Variants in PCDH15 observed in about 807,000 individuals in gnomAD.
The protein encoded by PCDH15 is protocadherin-15.
PCDH15 carries 129 observed loss-of-function variants against 178.5 expected under a neutral mutation model. The ratio of observed to expected loss-of-function variants is 0.72; its 90% confidence interval spans 0.63 to 0.84. The LOEUF (loss-of-function observed/expected upper bound fraction) is 0.84. Among genes scored for constraint, PCDH15 ranks in the 40% least tolerant of loss-of-function variants. The pLI, the probability that PCDH15 is intolerant of heterozygous loss-of-function variation, is 0.00. For missense variants in PCDH15, 2,230 were observed against 2,099.9 expected, an observed-to-expected ratio of 1.06 and a Z score of -1.21; for synonymous variants, 800 against 732.0, an observed-to-expected ratio of 1.09 and a Z score of -1.50.
At chr10:53,916,624 A>G (rs1208426016) in intron 25 of PCDH15, among the ~76,000 whole-genome samples, 1 of 152,210 alleles carries the variant, frequency 6.6e-6, no homozygotes, top group Non-Finnish European at 1.5e-5. Context: ...GACTATAATG[A>G]TCAACAAAAC....
intron 2 of PCDH15, among the ~76,000 whole-genome samples, chr10:55,137,737 A>G (rs1838236773): frequency 6.6e-6 from 1 of 152,114 alleles, no homozygotes; most frequent in Non-Finnish European, 1.5e-5. Flanking sequence ...ACAAGCTTTA[A>G]AAGTTCATAG....
At chr10:54,939,443 C>T (rs930394980) in intron 2 of PCDH15, among the ~76,000 whole-genome samples, 2 of 133,654 alleles carry the variant, frequency 1.5e-5, no homozygotes, top group African/African-American at 2.8e-5. Context: ...TGTGGTGAGC[C>T]GAGACCTCGC....
At chr10:54,976,915 C>T (rs1839086916) in intron 2 of PCDH15, among the ~76,000 whole-genome samples, 2 of 152,026 alleles carry the variant, frequency 1.3e-5, no homozygotes, top group South Asian at 4.2e-4. Context: ...TTGGTCTACA[C>T]CTAGGAATGA....
At chr10:54,546,468 T>G (rs1325322482) in intron 2 of PCDH15, among the ~76,000 whole-genome samples, 1 of 152,102 alleles carries the variant, frequency 6.6e-6, no homozygotes, top group East Asian at 1.9e-4. Flanking sequence ...AATTCCTAAA[T>G]TGCTTTTAGG....
chr10:54,392,898 CAAA>C (rs35154394), intron 3 of PCDH15, among the ~76,000 whole-genome samples: 18 of 72,280 alleles, frequency 2.5e-4, no homozygotes, highest in African/African-American at 4.3e-4. Context: ...GACTCAGGCT[CAAA>C]AAAAAAAAAA....
intron 20 of PCDH15, among the ~76,000 whole-genome samples, chr10:53,997,721 T>C (rs2091922723): frequency 6.6e-6 from 1 of 152,176 alleles, no homozygotes; most frequent in Admixed American, 6.5e-5. Context: ...ACCTTCTAAC[T>C]TGAATGTACA....
At chr10:54,247,851 G>C (rs1335029947) in intron 8 of PCDH15, among the ~76,000 whole-genome samples, 1 of 147,474 alleles carries the variant, frequency 6.8e-6, no homozygotes, top group Admixed American at 6.8e-5. Context: ...CTGGGTGACA[G>C]AGCAAGACTC....
intron 14 of PCDH15, among the ~76,000 whole-genome samples, chr10:54,135,806 A>G (rs12257647): frequency 0.015 from 2,351 of 152,276 alleles, 76 homozygotes; most frequent in African/African-American, 0.054. Flanking sequence ...GCTGCCCTCA[A>G]TGATCTAGAG....
chr10:55,271,113 A>C (rs887203583), intron 1 of PCDH15, among the ~76,000 whole-genome samples: 1 of 152,106 alleles, frequency 6.6e-6, no homozygotes, highest in Admixed American at 6.5e-5. Flanking sequence ...AAACATGGGA[A>C]CAGACACTGG....
chr10:55,384,315 AT>A (rs1337646119), intron 2 of PCDH15, among the ~76,000 whole-genome samples: 1 of 152,162 alleles, frequency 6.6e-6, no homozygotes, highest in Non-Finnish European at 1.5e-5. Context: ...ACCATTGTGT[AT>A]TTTGGTAAAT....
intron 33 of PCDH15, 136 bp from the exon 34 acceptor site, chr10:53,818,149 TG>T (rs1189087495): frequency 2.6e-6 from 1 of 390,182 alleles, no homozygotes; most frequent in Non-Finnish European, 4.5e-6. Context: ...ACTATCTCAG[TG>T]GGAAGTATAT....
At chr10:54,934,578 A>T (rs914352338) in intron 2 of PCDH15, among the ~76,000 whole-genome samples, 18 of 151,648 alleles carry the variant, frequency 1.2e-4, no homozygotes, top group African/African-American at 3.9e-4. Context: ...GTCAGGAAAC[A>T]ACAGGTGCTG....
intron 3 of PCDH15, among the ~76,000 whole-genome samples, chr10:54,505,701 C>T (rs774096799): frequency 3.3e-5 from 5 of 151,920 alleles, no homozygotes; most frequent in Admixed American, 6.6e-5. Context: ...ATGTAGATGA[C>T]GGGTCGATGG....
At chr10:54,333,284 A>G (rs1940259515) in intron 6 of PCDH15, among the ~76,000 whole-genome samples, 1 of 152,112 alleles carries the variant, frequency 6.6e-6, no homozygotes, top group Admixed American at 6.6e-5. Context: ...TCTATAAAAT[A>G]TAAGAATAGG....
intron 1 of PCDH15, among the ~76,000 whole-genome samples, chr10:55,269,259 A>T (rs960324291): frequency 6.6e-6 from 1 of 152,080 alleles, no homozygotes; most frequent in African/African-American, 2.4e-5. Flanking sequence ...CCTATTTAAC[A>T]TAGTATTAGA....
intron 3 of PCDH15, among the ~76,000 whole-genome samples, chr10:54,518,318 G>A (rs895653574): frequency 6.6e-6 from 1 of 151,924 alleles, no homozygotes; most frequent in East Asian, 1.9e-4. Context: ...CCGCTAGCAA[G>A]ACTAATAAAG....
At chr10:54,109,349 G>A (rs2094972742) in intron 15 of PCDH15, among the ~76,000 whole-genome samples, 1 of 152,086 alleles carries the variant, frequency 6.6e-6, no homozygotes, top group Non-Finnish European at 1.5e-5. Flanking sequence ...TCAATAAATG[G>A]TCCTGGGAAA....
chr10:54,597,673 T>A (rs1294116344), intron 2 of PCDH15, among the ~76,000 whole-genome samples: 1 of 151,952 alleles, frequency 6.6e-6, no homozygotes, highest in East Asian at 1.9e-4. Flanking sequence ...ATACAACCAT[T>A]CAAAAGATCA....
rs1224085809 is a variant in PCDH15 at position 55,183,903 on chromosome 10, G to T, written c.-155-17252C>A. Among the ~76,000 whole-genome samples, 6 of 151,858 alleles carry T rather than the reference G, an allele frequency of 4.0e-5. No individual in the cohort carries two copies. The East Asian group carries it at 1.2e-3, about 29-fold the overall frequency. Reference sequence around the variant, plus strand: ...TATTATTAATAATTACATTTAAAAAGGTTAGAGTTATTTTGGCAATCCTCA... The same window carrying T: ...TATTATTAATAATTACATTTAAAAATGTTAGAGTTATTTTGGCAATCCTCA... On this transcript the variant is annotated intron_variant, in intron 1 of 5. Coordinates refer to the PCDH15 transcript ENST00000458638.
Sources: allele counts gnomAD v4.1 joint callset (sites outside exome capture counted in the v4.1 genomes callset), GRCh38; gene constraint gnomAD v4.1.1; transcripts MANE v1.5; gene names NCBI Gene and HGNC (gene_info 2026-07-23, HGNC 2026-07-21).